Variants in SIAH3 observed in about 807,000 individuals in gnomAD.
SIAH3 encodes siah E3 ubiquitin protein ligase family member 3.
Under a neutral mutation model 12.6 loss-of-function variants are expected in SIAH3, and 9 were observed. That is an observed-to-expected ratio of 0.72 (90% confidence interval 0.43 to 1.25). The LOEUF (loss-of-function observed/expected upper bound fraction) is 1.25, where lower values mean the gene tolerates loss of function less well. Ranked by LOEUF, SIAH3 falls within the 50% of genes most tolerant of loss-of-function variation. The probability of loss-of-function intolerance (pLI) is 0.00; values close to 1 mark genes in which losing one functional copy is unlikely to be tolerated. For missense variants in SIAH3, 390 were observed against 365.4 expected (o/e 1.07, Z -0.55); for synonymous variants, 154 against 151.1 (o/e 1.02, Z -0.14).
In SIAH3 at chr13:45,777,971, A is replaced by G. The variant is rs1372578373; in HGVS notation, c.*5412T>C. 6.6e-6 allele frequency: 1 copy of G among 152,212 alleles called. No individual in the cohort carries two copies. The highest frequency in any genetic ancestry group is 2.4e-5 in the African/African-American group (1 of 41,448). 9.4% of individuals were successfully genotyped at this position (152,212 alleles called of 1,614,324 possible). On this transcript the variant is annotated 3_prime_UTR_variant, in exon 2 of 2. Transcript: ENST00000400405. ...CTTGTCCTAGTGGAAACTGTGCCCC[A>G]GATTTAGAAAGAGTATTGGTCTGGG... is the stretch of plus-strand genomic sequence containing the variant.
chr13:45,805,006 AC>A (rs1448986570), intron 1 of SIAH3, among the ~76,000 whole-genome samples: 52 of 144,346 alleles, frequency 3.6e-4, no homozygotes, highest in African/African-American at 1.3e-3. Context: ...ACACACACAC[AC>A]ACAAAATACT....
In SIAH3 at chr13:45,781,284, A is replaced by G. The variant is rs2137544736; in HGVS notation, c.*2099T>C. Reference sequence around the variant, plus strand: ...TCTGGAGCACCTGTGATGCTACACAAATGCTTTCAAAGTGGTTGAGTCTCA... The same window carrying G: ...TCTGGAGCACCTGTGATGCTACACAGATGCTTTCAAAGTGGTTGAGTCTCA... On this transcript the variant is annotated 3_prime_UTR_variant, in exon 2 of 2. Coordinates refer to ENST00000400405, the MANE Select transcript of SIAH3 (RefSeq NM_198849.3). 1 of 152,612 alleles carries G rather than the reference A, an allele frequency of 6.6e-6. No individual in the cohort carries two copies. The highest frequency in any genetic ancestry group is 1.5e-5 in the Non-Finnish European group (1 of 68,024). The allele number at this position is 152,612 out of a possible 1,614,324, so 9.5% of individuals were successfully genotyped here.
At chr13:45,814,530 G>A (rs1472939805) in intron 1 of SIAH3, among the ~76,000 whole-genome samples, 3 of 152,092 alleles carry the variant, frequency 2.0e-5, no homozygotes, top group African/African-American at 4.8e-5. Context: ...AACGGAGCAG[G>A]TTTGCAGCCA....
chr13:45,806,235 G>C (rs112279417), intron 1 of SIAH3, among the ~76,000 whole-genome samples: 6 of 152,018 alleles, frequency 3.9e-5, no homozygotes, highest in African/African-American at 1.4e-4. Flanking sequence ...CAAAGGAAAA[G>C]ACATTGTTCT....
chr13:45,818,085 T>A (rs750948640), intron 1 of SIAH3, among the ~76,000 whole-genome samples: 4 of 152,200 alleles, frequency 2.6e-5, no homozygotes, highest in Non-Finnish European at 5.9e-5. Flanking sequence ...AATACCCAGA[T>A]GCCTCCTCTG....
chr13:45,801,235 C>CTTGAA (rs1210441542), intron 1 of SIAH3, among the ~76,000 whole-genome samples: 2 of 152,084 alleles, frequency 1.3e-5, no homozygotes, highest in African/African-American at 4.8e-5. Context: ...TACCAAATGG[C>CTTGAA]TTGAATTGCA....
chr13:45,784,205 A>G, intron 1 of SIAH3, 148 bp from the exon 2 acceptor site: 1 of 808,658 alleles, frequency 1.2e-6, no homozygotes, highest in Non-Finnish European at 1.9e-6. Flanking sequence ...ACAAACAAAC[A>G]AACAAACAAA....
At chr13:45,846,355 G>T (rs907205028) in intron 1 of SIAH3, among the ~76,000 whole-genome samples, 2 of 152,070 alleles carry the variant, frequency 1.3e-5, no homozygotes, top group African/African-American at 4.8e-5. Context: ...CTCACAAAGT[G>T]CTGGGATTAC....
intron 1 of SIAH3, among the ~76,000 whole-genome samples, chr13:45,810,864 G>T (rs1401205903): frequency 1.3e-5 from 2 of 152,184 alleles, no homozygotes; most frequent in East Asian, 3.8e-4. Flanking sequence ...GCCTGGAAAT[G>T]CCTGGGGTGA....
chr13:45,819,660 A>G (rs913457775), intron 1 of SIAH3, among the ~76,000 whole-genome samples: 1 of 152,134 alleles, frequency 6.6e-6, no homozygotes, highest in Non-Finnish European at 1.5e-5. Context: ...CTTATATGTA[A>G]AACGGGCCCT....
rs1275897821 is a variant in SIAH3, at chr13:45,782,082, A to G, written c.*1301T>C. 1 of 152,212 alleles carries G rather than the reference A, an allele frequency of 6.6e-6. No homozygotes were observed. The highest frequency in any genetic ancestry group is 2.4e-5 in the African/African-American group (1 of 41,462). The allele number at this position is 152,212 out of a possible 1,614,324, so 9.4% of individuals were successfully genotyped here. A position where few individuals can be genotyped will look rare whatever the true frequency, so the allele number is the denominator to read the frequency against. Reference sequence around the variant, plus strand: ...CTTATAGGTGTCCAACTTAGAACAGAAAAGACAAAGTTGACTAAACATGCT... The same window carrying G: ...CTTATAGGTGTCCAACTTAGAACAGGAAAGACAAAGTTGACTAAACATGCT... On this transcript the variant is annotated 3_prime_UTR_variant, in exon 2 of 2. Transcript: ENST00000400405.
intron 1 of SIAH3, among the ~76,000 whole-genome samples, chr13:45,797,230 G>A (rs1039722271): frequency 1.3e-5 from 2 of 151,446 alleles, no homozygotes; most frequent in Non-Finnish European, 2.9e-5. Context: ...ATTGGAAGGT[G>A]CTCACTTTCT....
In SIAH3 at chr13:45,823,657, A is replaced by G. The variant is rs141978323; in HGVS notation, c.135+27838T>C. Among the ~76,000 whole-genome samples, 44 of 152,340 alleles carry G rather than the reference A, an allele frequency of 2.9e-4. No individual in the cohort carries two copies. The East Asian group carries it at 8.1e-3, about 28-fold the overall frequency. On this transcript the variant is annotated intron_variant, in intron 1 of 1. Coordinates refer to ENST00000400405, the MANE Select transcript of SIAH3 (RefSeq NM_198849.3). ...TTGGTCTCAAAACTGCTATCCAAAGACACCATGAAGCCTGTCCTGCTTCTC... is the reference window on the plus strand; with the variant it reads ...TTGGTCTCAAAACTGCTATCCAAAGGCACCATGAAGCCTGTCCTGCTTCTC...
At chr13:45,826,376 A>AGGTGG (rs1566094811) in intron 1 of SIAH3, among the ~76,000 whole-genome samples, 1 of 115,586 alleles carries the variant, frequency 8.7e-6, no homozygotes, top group Non-Finnish European at 1.8e-5. Flanking sequence ...TGGATGGATG[A>AGGTGG]ATGAATGGAT....
intron 1 of SIAH3, among the ~76,000 whole-genome samples, chr13:45,840,506 A>C (rs1197640595): frequency 6.6e-6 from 1 of 152,232 alleles, no homozygotes; most frequent in Non-Finnish European, 1.5e-5. Context: ...TGGGTTCCCC[A>C]AAAACAGAGC....
intron 1 of SIAH3, among the ~76,000 whole-genome samples, chr13:45,841,951 T>G (rs984769681): frequency 6.6e-6 from 1 of 152,220 alleles, no homozygotes. Context: ...TGGGGACATA[T>G]TAGAGAGGCA....
intron 1 of SIAH3, among the ~76,000 whole-genome samples, chr13:45,842,387 A>G (rs1401979106): frequency 6.6e-6 from 1 of 152,196 alleles, no homozygotes. Flanking sequence ...TCTGCTACCC[A>G]GGCTGGAGTG....
chr13:45,811,572 C>T (rs778806733), intron 1 of SIAH3, among the ~76,000 whole-genome samples: 5 of 152,120 alleles, frequency 3.3e-5, no homozygotes, highest in African/African-American at 4.8e-5. Context: ...AAGCAATCCT[C>T]CATCCTCAAC....
rs768807402 is a variant in SIAH3 at position 45,783,583 on chromosome 13, C to G, written c.610G>C (p.Glu204Gln). 2 of 1,614,180 alleles carry G rather than the reference C, an allele frequency of 1.2e-6. No individual in the cohort carries two copies. The highest frequency in any genetic ancestry group is 2.2e-5 in the South Asian group (2 of 91,078). The part of the protein sequence containing the change: ...TQADCFTYRL[E>Q]LNRNHRRLKW... ...AGGCGCCGATGGTTTCTGTTGAGCT[C>G]CAGGCGATAGGTGAAGCAGTCGGCC... The change falls in exon 2 of 2, where the codon GAG (glutamate) becomes CAG (glutamine). Residue 204 changes from glutamate (E) to glutamine (Q), a missense_variant. Glu to Gln is a conservative substitution (Grantham distance 29). Coordinates refer to ENST00000400405, the MANE Select transcript of SIAH3 (RefSeq NM_198849.3).
Sources: gnomAD v4.1 joint callset for allele counts (sites outside exome capture counted in the v4.1 genomes callset) on GRCh38, gnomAD v4.1.1 for gene constraint, MANE v1.5 for transcripts, NCBI Gene and HGNC (gene_info 2026-07-23, HGNC 2026-07-21) for gene names.